Variants in FAT1 observed in about 807,000 individuals in gnomAD.
FAT1 encodes FAT atypical cadherin 1, also known as protocadherin Fat 1.
FAT1 carries 171 observed loss-of-function variants against 329.8 expected under a neutral mutation model. The observed-to-expected ratio is 0.52, with a 90% CI of 0.46 to 0.59. The LOEUF (loss-of-function observed/expected upper bound fraction) is 0.59. FAT1 is among the 20% of genes least tolerant of loss of function. The pLI, the probability that FAT1 is intolerant of heterozygous loss-of-function variation, is 0.00. For missense variants in FAT1, 5,672 were observed against 5,774.4 expected (o/e 0.98, Z 0.57); for synonymous variants, 2,233 against 2,228.6 (o/e 1.00, Z -0.06).
chr4:186,634,956 C>G (rs1380564559), intron 6 of FAT1, among the ~76,000 whole-genome samples: 1 of 152,246 alleles, frequency 6.6e-6, no homozygotes, highest in African/African-American at 2.4e-5. Context: ...TAAAAGTTAA[C>G]AGAAAGCAAA....
rs2126618468 is a variant in FAT1, at chr4:186,663,560, G to A, written c.3319C>T (p.Leu1107=). 1.9e-6 allele frequency: 3 copies of A among 1,613,062 alleles called. No homozygotes were observed. The highest frequency in any genetic ancestry group is 2.5e-6 in the Non-Finnish European group (3 of 1,179,892). ...CCCTGATCGGTTGCAAAGACTGTTA[G>A]CCAATAATGGGAGGTCGATTCACGG... The part of the protein sequence containing the change: ...LDRESTSHYW[L]TVFATDQGVV... Residue 1107 remains leucine, a synonymous_variant, in exon 3 of 27, where the codon CTA becomes TTA. Transcript: ENST00000441802.
At position 186,596,914 on chromosome 4, in the gene FAT1, T is replaced by G; in HGVS notation, c.12626A>C (p.Lys4209Thr). ...TTTAGGTTCAGCCTGATGCTTCTTT[T>G]TCCGACTAATCATCTTACGGCAGAG... ...FVLCRKMISR[K>T]KKHQAEPKDK... The change falls in exon 25 of 27, where the codon AAA becomes ACA. Residue 4209 changes from lysine (K) to threonine (T), a missense_variant. By Grantham distance (78) the Lys-to-Thr change is moderately conservative. Around this residue, in one of 2 missense-constraint regions of FAT1, gnomAD observed 1,706 missense variants for 1,859.1 expected, o/e 0.92. Coordinates refer to ENST00000441802, the MANE Select transcript of FAT1 (RefSeq NM_005245.4). The surrounding 1 kb of genome is among the most constrained non-coding windows in gnomAD (Gnocchi z 4.7). 6.2e-7 allele frequency: 1 copy of G among 1,613,986 alleles called. No individual in the cohort carries two copies. The highest frequency in any genetic ancestry group is 8.5e-7 in the Non-Finnish European group (1 of 1,179,898).
intron 2 of FAT1, among the ~76,000 whole-genome samples, chr4:186,674,854 C>T (rs1483510733): frequency 6.6e-5 from 10 of 151,868 alleles, no homozygotes; most frequent in African/African-American, 9.7e-5. Flanking sequence ...GACAACATGG[C>T]GAAACCTCGT....
At chr4:186,673,742 G>T (rs1742832482) in intron 2 of FAT1, among the ~76,000 whole-genome samples, 2 of 152,176 alleles carry the variant, frequency 1.3e-5, no homozygotes, top group African/African-American at 4.8e-5. Context: ...CAGATTTTAA[G>T]CATCATGTTT....
chr4:186,716,116 A>G (rs2126716550), intron 1 of FAT1, among the ~76,000 whole-genome samples: 1 of 152,296 alleles, frequency 6.6e-6, no homozygotes, highest in South Asian at 2.1e-4. Context: ...ACACAGCATC[A>G]CACAATGCAC....
intron 7 of FAT1, among the ~76,000 whole-genome samples, chr4:186,630,689 A>G (rs1428357097): frequency 6.6e-6 from 1 of 152,048 alleles, no homozygotes; most frequent in Non-Finnish European, 1.5e-5. Flanking sequence ...CAACCTTCCT[A>G]AGACCTCCAA....
At chr4:186,658,243 T>C (rs1742000232) in intron 3 of FAT1, among the ~76,000 whole-genome samples, 1 of 152,186 alleles carries the variant, frequency 6.6e-6, no homozygotes, top group Non-Finnish European at 1.5e-5. Context: ...GCCCCCCTAC[T>C]TGCAAACAAT....
Position 186,601,368 on chromosome 4 carries a change from A to G in FAT1, c.11541T>C (p.Asn3847=). The change falls in exon 21 of 27, where the codon AAT becomes AAC. Residue 3847 remains asparagine (N), a synonymous_variant. Transcript: ENST00000441802. ...TCAGTTTCATCTCTAATTTGTTTTC[A>G]TTTTCCGTCAGACGGTATTTCACGT... ...NSYVKYRLTE[N]ENKLEMKLTM... 1.2e-6 allele frequency: 2 copies of G among 1,613,412 alleles called. No individual in the cohort carries two copies. The highest frequency in any genetic ancestry group is 3.3e-5 in the Admixed American group (2 of 60,002).
intron 2 of FAT1, among the ~76,000 whole-genome samples, chr4:186,669,789 T>C (rs1742646151): frequency 6.6e-6 from 1 of 152,182 alleles, no homozygotes; most frequent in South Asian, 2.1e-4. Flanking sequence ...TCCACTTACT[T>C]AACTAAACGG....
At chr4:186,652,902 G>A (rs1453287190) in intron 3 of FAT1, among the ~76,000 whole-genome samples, 9 of 152,128 alleles carry the variant, frequency 5.9e-5, no homozygotes, top group Non-Finnish European at 1.2e-4. Context: ...ACTTTACTGC[G>A]TGCTTTAGGG....
At chr4:186,700,960 C>G (rs1175030533) in intron 2 of FAT1, among the ~76,000 whole-genome samples, 1 of 152,154 alleles carries the variant, frequency 6.6e-6, no homozygotes, top group Admixed American at 6.5e-5. Flanking sequence ...CTCCAGGTCC[C>G]GGCCCCTGCA....
intron 2 of FAT1, among the ~76,000 whole-genome samples, chr4:186,692,866 T>C (rs951758124): frequency 6.6e-6 from 1 of 152,184 alleles, no homozygotes; most frequent in Non-Finnish European, 1.5e-5. Context: ...CCAAAGTCTA[T>C]CGTGAAGAAC....
At chr4:186,610,989 A>G (rs866632577) in intron 14 of FAT1, among the ~76,000 whole-genome samples, 4 of 152,008 alleles carry the variant, frequency 2.6e-5, no homozygotes, top group Admixed American at 1.3e-4. Context: ...CAGAAACTAA[A>G]ATAAAAAAGA....
At chr4:186,617,638 A>G (rs1739774610) in intron 10 of FAT1, 70 bp downstream of exon 10, 1 of 1,292,540 alleles carries the variant, frequency 7.7e-7, no homozygotes, top group Admixed American at 2.4e-5. Flanking sequence ...CATACAATAC[A>G]GATCTTATAC....
In FAT1 at chr4:186,597,156, G is replaced by A. The variant is rs748132913; in HGVS notation, c.12384C>T (p.Ile4128=). The A allele has an allele frequency of 9.3e-6, 15 of 1,607,746 alleles. No individual in the cohort carries two copies. The highest frequency in any genetic ancestry group is 6.7e-5 in the East Asian group (3 of 44,808). ...GGCAAGGGTTTCCAGAGCACTCGTCGATATCACTCTGACACCTGCCAAGGA... is the reference window on the plus strand; with the variant it reads ...GGCAAGGGTTTCCAGAGCACTCGTCAATATCACTCTGACACCTGCCAAGGA... ...GFRGERCQSD[I]DECSGNPCLH... The change falls in exon 25 of 27, where the codon ATC becomes ATT. Residue 4128 remains isoleucine, a synonymous_variant. Coordinates refer to ENST00000441802, the MANE Select transcript of FAT1 (RefSeq NM_005245.4).
chr4:186,663,685 A>C, intron 2 of FAT1, 72 bp from the exon 3 acceptor site: 1 of 1,226,694 alleles, frequency 8.2e-7, no homozygotes, highest in South Asian at 1.5e-5. Flanking sequence ...AAGTGTCAAC[A>C]ACTACGGCTT....
intron 3 of FAT1, among the ~76,000 whole-genome samples, chr4:186,660,491 T>C (rs967442153): frequency 3.3e-5 from 5 of 152,228 alleles, no homozygotes; most frequent in Admixed American, 6.5e-5. Context: ...TCACAACAAA[T>C]ACTGCTGTGT....
chr4:186,639,174 A>C (rs1355066020), intron 4 of FAT1, among the ~76,000 whole-genome samples: 1 of 152,254 alleles, frequency 6.6e-6, no homozygotes, highest in Non-Finnish European at 1.5e-5. Flanking sequence ...AGCACATCTG[A>C]GACTTCAATC....
At position 186,599,949 on chromosome 4, in the gene FAT1, C is replaced by T. The variant is rs183364307; in HGVS notation, c.12052G>A (p.Ala4018Thr). 5.6e-6 allele frequency: 9 copies of T among 1,613,894 alleles called. No individual in the cohort carries two copies. Among genetic ancestry groups the T allele is most frequent in the Admixed American group, 5.0e-5 (3 of 60,034 alleles). ...GCFLTATEDC[A>T]SNPCQNGGVC... is the part of the protein sequence containing the mutation. ...CCTCCATTCTGGCAAGGGTTGCTGG[C>T]GCAGTCTTCCGTGGCCGTCAGGAAG... Residue 4018 changes from alanine (A) to threonine (T), a missense_variant, in exon 22 of 27, where the codon GCC (alanine) becomes ACC (threonine). Transcript: ENST00000441802.
Sources: allele counts gnomAD v4.1 joint callset (sites outside exome capture counted in the v4.1 genomes callset), GRCh38; gene constraint gnomAD v4.1.1; regional missense constraint gnomAD v4.1.1; non-coding constraint Gnocchi (gnomAD v3.1); transcripts MANE v1.5; gene names NCBI Gene and HGNC (gene_info 2026-07-23, HGNC 2026-07-21).